The following HAMP variants were observed in gnomAD, a reference collection of about 807,000 sequenced individuals.
The protein encoded by HAMP is hepcidin antimicrobial peptide.
In HAMP, 5 loss-of-function variants were observed where a neutral mutation model predicts 7.8. That is an observed-to-expected ratio of 0.64 (90% CI 0.33 to 1.34). The LOEUF (loss-of-function observed/expected upper bound fraction) is 1.34. Among genes scored for constraint, HAMP ranks in the 40% most tolerant of loss-of-function variants. HAMP has a pLI of 0.05. For synonymous variants in HAMP, 52 were observed against 38.6 expected (o/e 1.35, Z -1.28); for missense variants, 105 against 104.1 (o/e 1.01, Z -0.04).
Position 35,282,616 on chromosome 19 carries a change from GCTCCTC to G in HAMP, c.49_54del (p.Leu17_Leu18del), listed in dbSNP as rs760383487. The G allele has an allele frequency of 7.4e-6, 12 of 1,613,552 alleles. No homozygotes were observed. The highest frequency in any genetic ancestry group is 1.3e-5 in the African/African-American group (1 of 74,918). On this transcript the variant is annotated inframe_deletion, in exon 1 of 3. Coordinates refer to ENST00000222304, the MANE Select transcript of HAMP (RefSeq NM_021175.4). ...CCCAGATCTGGGCCGCTTGCCTCCT[GCTCCTC>G]CTCCTCCTCGCCAGCCTGACCAGTG...
In HAMP at chr19:35,282,571, C is replaced by A; in HGVS notation, c.-7C>A. 2 of 1,612,278 alleles carry A rather than the reference C, an allele frequency of 1.2e-6. No homozygotes were observed. The highest frequency in any genetic ancestry group is 1.7e-6 in the Non-Finnish European group (2 of 1,178,292). ...CCCAGCAGTGGGACAGCCAGACAGACGGCACGATGGCACTGAGCTCCCAGA... is the reference window on the plus strand; with the variant it reads ...CCCAGCAGTGGGACAGCCAGACAGAAGGCACGATGGCACTGAGCTCCCAGA... On this transcript the variant is annotated 5_prime_UTR_variant, in exon 1 of 3. Transcript: ENST00000222304.
rs145846674 is a variant in HAMP, at chr19:35,282,631, C to T, written c.54C>T (p.Leu18=). Reference sequence around the variant, plus strand: ...CTTGCCTCCTGCTCCTCCTCCTCCTCGCCAGCCTGACCAGTGGCTCTGTTT... The same window carrying T: ...CTTGCCTCCTGCTCCTCCTCCTCCTTGCCAGCCTGACCAGTGGCTCTGTTT... The part of the protein sequence containing the change: ...WAACLLLLLL[L]ASLTSGSVFP... Residue 18 remains leucine, a synonymous_variant, in exon 1 of 3, where the codon CTC becomes CTT. Transcript: ENST00000222304. 74 of 1,614,152 alleles carry T rather than the reference C, an allele frequency of 4.6e-5. No homozygotes were observed. The Middle Eastern group carries it at 9.9e-4, about 22-fold the overall frequency.
chr19:35,283,077 C>G, intron 1 of HAMP: 1 of 282,286 alleles, frequency 3.5e-6, no homozygotes, highest in Non-Finnish European at 7.0e-6. Context: ...CAGAGCAAGA[C>G]TCCATCTCCA....
Position 35,285,038 on chromosome 19 carries a change from C to T in HAMP, c.251C>T (p.Thr84Met), listed in dbSNP as rs367957111. ...HRSKCGMCCK[T>M] ...TCAAAGTGTGGGATGTGCTGCAAGACGTAGAACCTACCTGCCCTGCCCCCG... is the reference window on the plus strand; with the variant it reads ...TCAAAGTGTGGGATGTGCTGCAAGATGTAGAACCTACCTGCCCTGCCCCCG... Residue 84 changes from threonine (T) to methionine (M), a missense_variant, in exon 3 of 3, where the codon ACG (threonine) becomes ATG (methionine). Coordinates refer to ENST00000222304, the MANE Select transcript of HAMP (RefSeq NM_021175.4). The T allele has an allele frequency of 2.1e-5, 33 of 1,602,878 alleles. No homozygotes were observed. The African/African-American group carries it at 3.6e-4, about 18-fold the overall frequency.
At chr19:35,282,751 A>G in intron 1 of HAMP, 84 bp downstream of exon 1, 1 of 1,047,634 alleles carries the variant, frequency 9.5e-7, no homozygotes, top group South Asian at 1.3e-5. Context: ...GAGACACCCG[A>G]GCACTGAGCA....
At chr19:35,284,606 G>GT (rs370723038) in intron 1 of HAMP, 183 bp from the exon 2 acceptor site, 126,972 of 457,562 alleles carry the variant, frequency 0.28, 3,996 homozygotes, top group South Asian at 0.33. Context: ...GATCTGGGAG[G>GT]TTTTTTTTTT....
chr19:35,284,767 G>T (rs1276338744), intron 1 of HAMP, 22 bp from the exon 2 acceptor site: 1 of 1,607,100 alleles, frequency 6.2e-7, no homozygotes, highest in Admixed American at 1.7e-5. Flanking sequence ...GCCATCCTCT[G>T]CACCCCCTTC....
At chr19:35,283,270 T>G (rs767311265) in intron 1 of HAMP, 6 of 166,864 alleles carry the variant, frequency 3.6e-5, no homozygotes, top group Non-Finnish European at 7.9e-5. Context: ...TAAAGACTGA[T>G]GAAAACATGA....
At position 35,284,938 on chromosome 19, in the gene HAMP, C is replaced by T. The variant is rs1285344803; in HGVS notation, c.151C>T (p.Pro51Ser). 1 of 1,612,438 alleles carries T rather than the reference C, an allele frequency of 6.2e-7. No individual in the cohort carries two copies. Among genetic ancestry groups the T allele is most frequent in the Admixed American group, 1.7e-5 (1 of 60,004 alleles). Residue 51 changes from proline to serine, a missense_variant and splice_region_variant, in exon 3 of 3, where the codon CCC becomes TCC. Coordinates refer to ENST00000222304, the MANE Select transcript of HAMP (RefSeq NM_021175.4). The part of the protein sequence containing the change: ...DRAGARASWM[P>S]MFQRRRRRDT... ...GCTCACATTCCCTTCCTTCCCACAG[C>T]CCATGTTCCAGAGGCGAAGGAGGCG...
At chr19:35,284,470 G>A in intron 1 of HAMP, 1 of 493,764 alleles carries the variant, frequency 2.0e-6, no homozygotes. Flanking sequence ...AAGTGACTCT[G>A]CTGTGTGGCA....
At position 35,283,047 on chromosome 19, in the gene HAMP, A is replaced by G. The variant is rs543723836; in HGVS notation, c.90+380A>G. Reference sequence around the variant, plus strand: ...TTGCACAGTGAGCTGAGATTGCACCACTGCACTCCAGCCTGGCAACAGAGC... The same window carrying G: ...TTGCACAGTGAGCTGAGATTGCACCGCTGCACTCCAGCCTGGCAACAGAGC... On this transcript the variant is annotated intron_variant, in intron 1 of 2. Transcript: ENST00000222304. The G allele has an allele frequency of 5.4e-5, 17 of 312,888 alleles. 1 individual carries two copies. The highest frequency in any genetic ancestry group is 4.9e-4 in the South Asian group (17 of 34,806). 19.4% of individuals were successfully genotyped at this position (312,888 alleles called of 1,614,324 possible).
At chr19:35,284,595 G>A (rs547142305) in intron 1 of HAMP, 194 bp from the exon 2 acceptor site, 30 of 600,248 alleles carry the variant, frequency 5.0e-5, no homozygotes, top group African/African-American at 1.2e-4. Context: ...AGGAGGAGGC[G>A]GATCTGGGAG....
rs201107062 is a variant in HAMP at position 35,285,067 on chromosome 19, C to G, written c.*25C>G. The G allele has an allele frequency of 1.8e-5, 25 of 1,411,466 alleles. No homozygotes were observed. The highest frequency in any genetic ancestry group is 1.6e-5 in the Non-Finnish European group (16 of 994,718). 87.4% of individuals were successfully genotyped at this position (1,411,466 alleles called of 1,614,324 possible). On this transcript the variant is annotated 3_prime_UTR_variant, in exon 3 of 3. Transcript: ENST00000222304. ...GAACCTACCTGCCCTGCCCCCGTCC[C>G]CTCCCTTCCTTATTTATTCCTGCTG...
At chr19:35,282,717 G>C (rs1471051034) in intron 1 of HAMP, 50 bp downstream of exon 1, 1 of 1,429,784 alleles carries the variant, frequency 7.0e-7, no homozygotes, top group Non-Finnish European at 9.9e-7. Flanking sequence ...GGATGGGAGA[G>C]CCAGGCCTCA....
In HAMP at chr19:35,285,094, C is replaced by A; in HGVS notation, c.*52C>A. 1 of 1,138,296 alleles carries A rather than the reference C, an allele frequency of 8.8e-7. No individual in the cohort carries two copies. Among genetic ancestry groups the A allele is most frequent in the Non-Finnish European group, 1.3e-6 (1 of 745,344 alleles). The allele number at this position is 1,138,296 out of a possible 1,614,324, so 70.5% of individuals were successfully genotyped here. ...TCCCTTCCTTATTTATTCCTGCTGC[C>A]CCAGAACATAGGTCTTGGAATAAAA... On this transcript the variant is annotated 3_prime_UTR_variant, in exon 3 of 3. Transcript: ENST00000222304.
At chr19:35,283,717 G>A (rs1406964502) in intron 1 of HAMP, 2 of 152,268 alleles carry the variant, frequency 1.3e-5, no homozygotes, top group Non-Finnish European at 1.5e-5. Context: ...TAAGGCTGAG[G>A]GGTGGGCAGT....
At chr19:35,282,905 TA>T (rs1247793710) in intron 1 of HAMP, 1 of 495,584 alleles carries the variant, frequency 2.0e-6, no homozygotes, top group African/African-American at 2.0e-5. Context: ...GCCAACATGG[TA>T]AAACCCCGTC....
chr19:35,284,587 G>C, intron 1 of HAMP: 1 of 602,834 alleles, frequency 1.7e-6, no homozygotes, highest in Non-Finnish European at 2.9e-6. Flanking sequence ...GTGGAAAGAG[G>C]AGGAGGCGGA....
At position 35,284,826 on chromosome 19, in the gene HAMP, C is replaced by G; in HGVS notation, c.128C>G (p.Ala43Gly). The stretch of plus-strand genomic sequence containing the variant: ...GCAGAGCTGCAACCCCAGGACAGAG[C>G]TGGAGCCAGGGCCAGCTGGATGGTG... ...QLAELQPQDR[A>G]GARASWMPMF... is the part of the protein sequence containing the mutation. The change falls in exon 2 of 3, where the codon GCT becomes GGT. Residue 43 changes from alanine to glycine, a missense_variant. Physicochemically the swap from Ala to Gly is moderately conservative, Grantham distance 60 (BLOSUM62 0). Transcript: ENST00000222304. The G allele has an allele frequency of 1.2e-6, 2 of 1,614,012 alleles. No individual in the cohort carries two copies. The highest frequency in any genetic ancestry group is 1.1e-5 in the South Asian group (1 of 91,074).
Sources: allele counts gnomAD v4.1 joint callset, GRCh38; gene constraint gnomAD v4.1.1; transcripts MANE v1.5; gene names NCBI Gene and HGNC (gene_info 2026-07-23, HGNC 2026-07-21).